ZBTB49: variants seen among roughly 807,000 people sequenced by gnomAD.
ZBTB49 encodes the protein zinc finger and BTB domain containing 49.
In ZBTB49, 43 loss-of-function variants were observed where a neutral mutation model predicts 57.5. The ratio of observed to expected loss-of-function variants is 0.75; its 90% CI spans 0.59 to 0.97. The LOEUF is 0.97. ZBTB49 is among the 50% of genes least tolerant of loss of function. ZBTB49 has a pLI of 0.00. For synonymous variants in ZBTB49, 369 were observed against 362.1 expected, an observed-to-expected ratio of 1.02 and a Z score of -0.22; for missense variants, 938 against 947.7, an observed-to-expected ratio of 0.99 and a Z score of 0.13.
At chr4:4,300,473 C>A (rs1720426707) in intron 2 of ZBTB49, among the ~76,000 whole-genome samples, 2 of 152,068 alleles carry the variant, frequency 1.3e-5, no homozygotes, top group African/African-American at 4.8e-5. Context: ...GATAAGAAAT[C>A]AGGGGAAAAA....
At chr4:4,317,409 G>T (rs1035027127) in intron 7 of ZBTB49, among the ~76,000 whole-genome samples, 6 of 152,174 alleles carry the variant, frequency 3.9e-5, no homozygotes, top group African/African-American at 1.4e-4. Flanking sequence ...TCACAAAGTT[G>T]TATAATTCTC....
intron 1 of ZBTB49, among the ~76,000 whole-genome samples, chr4:4,296,913 G>GGGA (rs1168085337): frequency 6.6e-6 from 1 of 152,124 alleles, no homozygotes; most frequent in Non-Finnish European, 1.5e-5. Context: ...AAGGCTCAAG[G>GGGA]GGAGAGGGAA....
At chr4:4,296,297 GATAT>G (rs34391432) in intron 1 of ZBTB49, among the ~76,000 whole-genome samples, 1 of 152,092 alleles carries the variant, frequency 6.6e-6, no homozygotes, top group East Asian at 1.9e-4. Context: ...GTTGCAAGGT[GATAT>G]ATGGTTTGAC....
chr4:4,297,940 C>T (rs948916065), intron 1 of ZBTB49, among the ~76,000 whole-genome samples: 5 of 152,202 alleles, frequency 3.3e-5, no homozygotes, highest in East Asian at 3.8e-4. Context: ...TCAGAATCAC[C>T]GGAATGCCTG....
At chr4:4,309,444 A>G (rs1462092547) in intron 4 of ZBTB49, among the ~76,000 whole-genome samples, 1 of 152,206 alleles carries the variant, frequency 6.6e-6, no homozygotes, top group Non-Finnish European at 1.5e-5. Context: ...GAGAGAACCA[A>G]AAGAGTGACA....
In ZBTB49 at chr4:4,321,597, G is replaced by A. The variant is rs1429288378; in HGVS notation, c.*281G>A. 4.1e-6 allele frequency: 2 copies of A among 493,416 alleles called. No homozygotes were observed. Among genetic ancestry groups the A allele is most frequent in the East Asian group, 3.7e-5 (1 of 26,946 alleles). The allele number at this position is 493,416 out of a possible 1,614,324, so 30.6% of individuals were successfully genotyped here. A position where few individuals can be genotyped will look rare whatever the true frequency, so the allele number is the denominator to read the frequency against. ...AGCCTCAGCTGTGGGGGGGAAGCGC[G>A]TGTGCATCGTGTCAACTACTGTACA... On this transcript the variant is annotated 3_prime_UTR_variant, in exon 8 of 8. Transcript: ENST00000337872.
Position 4,302,804 on chromosome 4 carries a change from A to G in ZBTB49, c.968A>G (p.Gln323Arg). Reference sequence around the variant, plus strand: ...CTGAAGTCACAGAAATACGCAGAGCAAGTATCTGAACCCAAGTCAGATGAT... The same window carrying G: ...CTGAAGTCACAGAAATACGCAGAGCGAGTATCTGAACCCAAGTCAGATGAT... Reference protein sequence around the residue: ...NFLKSQKYAEQVSEPKSDDGL... With the variant: ...NFLKSQKYAERVSEPKSDDGL... The change falls in exon 3 of 8, where the codon CAA (glutamine) becomes CGA (arginine). Residue 323 changes from glutamine (Q) to arginine (R), a missense_variant. This residue lies in a region of ZBTB49 where 835 missense variants were observed against 819.1 expected (regional missense o/e 1.02). Coordinates refer to ENST00000337872, the MANE Select transcript of ZBTB49 (RefSeq NM_145291.4). The G allele has an allele frequency of 6.2e-7, 1 of 1,614,162 alleles. No individual in the cohort carries two copies. Among genetic ancestry groups the G allele is most frequent in the Non-Finnish European group, 8.5e-7 (1 of 1,179,996 alleles).
intron 1 of ZBTB49, among the ~76,000 whole-genome samples, chr4:4,294,204 A>G (rs184882473): frequency 2.0e-5 from 3 of 152,120 alleles, no homozygotes; most frequent in East Asian, 1.9e-4. Flanking sequence ...GTAAGATACA[A>G]TTTTTTTTCC....
In ZBTB49 at chr4:4,307,253, C is replaced by T. The variant is rs2916471; in HGVS notation, c.1302+1069C>T. ...ATGTCTTCTCTCCCATCCAGGAGAA[C>T]ACCCAGCAGCCAGCAGATGCTCAGG... On this transcript the variant is annotated intron_variant, in intron 4 of 7. Transcript: ENST00000337872. Among the ~76,000 whole-genome samples, 548 of 152,334 alleles carry T rather than the reference C, an allele frequency of 3.6e-3. 4 individuals carry two copies. The highest frequency in any genetic ancestry group is 0.013 in the African/African-American group (520 of 41,574).
chr4:4,305,745 AGT>A (rs1560110258), intron 3 of ZBTB49, among the ~76,000 whole-genome samples: 1 of 152,222 alleles, frequency 6.6e-6, no homozygotes, highest in Non-Finnish European at 1.5e-5. Flanking sequence ...GGTGTGAACC[AGT>A]GACCCTGTGT....
chr4:4,321,403 A>T lies in ZBTB49; in HGVS notation c.*87A>T, dbSNP rs574690286. 1 of 1,370,606 alleles carries T rather than the reference A, an allele frequency of 7.3e-7. No individual in the cohort carries two copies. Among genetic ancestry groups the T allele is most frequent in the Admixed American group, 2.1e-5 (1 of 47,514 alleles). 84.9% of individuals were successfully genotyped at this position (1,370,606 alleles called of 1,614,324 possible). A position where few individuals can be genotyped will look rare whatever the true frequency, so the allele number is the denominator to read the frequency against. On this transcript the variant is annotated 3_prime_UTR_variant, in exon 8 of 8. Coordinates refer to ENST00000337872, the MANE Select transcript of ZBTB49 (RefSeq NM_145291.4). ...TAGGAGGACCCAGTTTCCCCATGAC[A>T]GTGCCTTCTAACTAGCCAGAGAATA...
chr4:4,319,120 T>A (rs1029175864), intron 7 of ZBTB49, among the ~76,000 whole-genome samples: 2 of 152,030 alleles, frequency 1.3e-5, no homozygotes, highest in African/African-American at 4.8e-5. Flanking sequence ...CTTGAACTCC[T>A]GAGCTCAAGC....
Position 4,321,137 on chromosome 4 carries a change from G to A in ZBTB49, c.2119G>A (p.Asp707Asn), listed in dbSNP as rs775615710. The change falls in exon 8 of 8, where the codon GAT (aspartate) becomes AAT (asparagine). Residue 707 changes from aspartate to asparagine, a missense_variant. Coordinates refer to ENST00000337872, the MANE Select transcript of ZBTB49 (RefSeq NM_145291.4). The stretch of plus-strand genomic sequence containing the variant: ...AGCCGGTGGCGAACCACTGCAGGCC[G>A]ATGGCATGGCCATGATCCGTTCCTC... ...TPAGGEPLQA[D>N]GMAMIRSSLA... 19 of 1,614,038 alleles carry A rather than the reference G, an allele frequency of 1.2e-5. No homozygotes were observed. Among genetic ancestry groups the A allele is most frequent in the South Asian group, 3.3e-5 (3 of 91,088 alleles).
At position 4,321,752 on chromosome 4, in the gene ZBTB49, T is replaced by C; in HGVS notation, c.*436T>C. 2 of 176,410 alleles carry C rather than the reference T, an allele frequency of 1.1e-5. No homozygotes were observed. Among genetic ancestry groups the C allele is most frequent in the Non-Finnish European group, 2.4e-5 (2 of 84,846 alleles). 10.9% of individuals were successfully genotyped at this position (176,410 alleles called of 1,614,324 possible). A position where few individuals can be genotyped will look rare whatever the true frequency, so the allele number is the denominator to read the frequency against. On this transcript the variant is annotated 3_prime_UTR_variant, in exon 8 of 8. Transcript: ENST00000337872. Reference sequence around the variant, plus strand: ...TTTGTATATGAAACTCATACCATAATTTAATTCGAATAAATGAAACTTTTC... The same window carrying C: ...TTTGTATATGAAACTCATACCATAACTTAATTCGAATAAATGAAACTTTTC...
intron 5 of ZBTB49, among the ~76,000 whole-genome samples, chr4:4,315,379 A>G (rs1371746261): frequency 6.6e-6 from 1 of 152,212 alleles, no homozygotes; most frequent in Non-Finnish European, 1.5e-5. Context: ...TGTGCTCTGT[A>G]AAACTGAGGA....
chr4:4,321,059 C>T lies in ZBTB49; in HGVS notation c.2041C>T (p.Gln681Ter). 6.2e-7 allele frequency: 1 copy of T among 1,614,196 alleles called. No homozygotes were observed. The highest frequency in any genetic ancestry group is 1.7e-5 in the Admixed American group (1 of 60,012). Residue 681 changes from glutamine to a stop codon, truncating the protein, a stop_gained, in exon 8 of 8, where the codon CAG becomes TAG. Coordinates refer to ENST00000337872, the MANE Select transcript of ZBTB49 (RefSeq NM_145291.4). LOFTEE classifies it low-confidence loss of function (END_TRUNC). The part of the protein sequence containing the change: ...SLDPGKLAKP[Q>*]MQQTQPQAYA... ...GGATCCTGGTAAACTTGCCAAGCCC[C>T]AGATGCAGCAGACACAGCCTCAGGC...
At chr4:4,306,297 A>G (rs1330986966) in intron 4 of ZBTB49, 113 bp downstream of exon 4, 1 of 855,092 alleles carries the variant, frequency 1.2e-6, no homozygotes, top group Non-Finnish European at 1.9e-6. Flanking sequence ...TGATGTCTGT[A>G]ACTTAAAGAC....
chr4:4,302,724 A>G lies in ZBTB49; in HGVS notation c.888A>G (p.Gln296=), dbSNP rs751097790. 6 of 1,613,666 alleles carry G rather than the reference A, an allele frequency of 3.7e-6. No individual in the cohort carries two copies. The East Asian group carries it at 1.3e-4, about 36-fold the overall frequency. Residue 296 remains glutamine (Q), a synonymous_variant, in exon 3 of 8, where the codon CAA becomes CAG. Coordinates refer to ENST00000337872, the MANE Select transcript of ZBTB49 (RefSeq NM_145291.4). ...CTGAGTCAGACGCCACATGCCAACA[A>G]CCTGTCAAGCAGATGAGGCTCAAAA... ...PHPESDATCQ[Q]PVKQMRLKKA...
At chr4:4,317,860 G>A (rs1721252601) in intron 7 of ZBTB49, among the ~76,000 whole-genome samples, 1 of 152,162 alleles carries the variant, frequency 6.6e-6, no homozygotes, top group Non-Finnish European at 1.5e-5. Context: ...GCACTGCACA[G>A]CCATGCATTT....
Sources: allele counts gnomAD v4.1 joint callset (sites outside exome capture counted in the v4.1 genomes callset), GRCh38; gene constraint gnomAD v4.1.1; regional missense constraint gnomAD v4.1.1; transcripts MANE v1.5; gene names NCBI Gene and HGNC (gene_info 2026-07-23, HGNC 2026-07-21).